The following ZDHHC15 variants were observed in gnomAD, a reference collection of about 807,000 sequenced individuals.
ZDHHC15 encodes the protein zDHHC palmitoyltransferase 15, also known as palmitoyltransferase ZDHHC15.
A neutral mutation model predicts 31.7 loss-of-function variants in ZDHHC15; 19 were observed. That is an observed-to-expected ratio of 0.60 (90% confidence interval 0.42 to 0.88). The LOEUF is 0.88. ZDHHC15 is among the 40% of genes least tolerant of loss of function. The pLI is 0.00. For missense variants in ZDHHC15, 209 were observed against 251.2 expected, an observed-to-expected ratio of 0.83 and a Z score of 1.14; for synonymous variants, 103 against 90.0, an observed-to-expected ratio of 1.14 and a Z score of -0.82.
intron 3 of ZDHHC15, among the ~76,000 whole-genome samples, chrX:75,466,403 C>T (rs1470493068): frequency 9.0e-6 from 1 of 111,118 alleles, no homozygotes; most frequent in Non-Finnish European, 1.9e-5. Flanking sequence ...AGACCTAGAG[C>T]CAGAAATACC....
intron 4 of ZDHHC15, among the ~76,000 whole-genome samples, chrX:75,448,297 C>G (rs903256798): frequency 1.8e-5 from 2 of 112,051 alleles, no homozygotes; most frequent in Non-Finnish European, 3.8e-5. Context: ...CCAGTACCAG[C>G]TGAGGTGCTT....
At chrX:75,433,693 G>GTA (rs1229259187) in intron 4 of ZDHHC15, among the ~76,000 whole-genome samples, 7 of 4,163 alleles carry the variant, frequency 1.7e-3, no homozygotes, top group Non-Finnish European at 1.9e-3. Context: ...GTGTGTGTGT[G>GTA]TGTGTATATA....
intron 10 of ZDHHC15, 83 bp downstream of exon 10, chrX:75,417,004 A>T (rs1430406344): frequency 1.3e-6 from 1 of 799,147 alleles, no homozygotes; most frequent in Non-Finnish European, 1.8e-6. Flanking sequence ...TGACATGCTT[A>T]TAAAATCTTT....
intron 3 of ZDHHC15, among the ~76,000 whole-genome samples, chrX:75,455,917 A>C (rs1429268992): frequency 1.8e-5 from 2 of 111,882 alleles, no homozygotes; most frequent in Non-Finnish European, 3.8e-5. Context: ...AGTGTAAACT[A>C]GTTCAACCAT....
intron 2 of ZDHHC15, among the ~76,000 whole-genome samples, chrX:75,481,660 T>C (rs958245115): frequency 8.9e-6 from 1 of 112,175 alleles, no homozygotes; most frequent in Middle Eastern, 4.2e-3. Flanking sequence ...TTCAACACTC[T>C]CATTTTACAG....
chrX:75,463,758 G>C (rs2084359729), intron 3 of ZDHHC15, among the ~76,000 whole-genome samples: 3 of 111,771 alleles, frequency 2.7e-5, no homozygotes, highest in South Asian at 3.8e-4. Flanking sequence ...TCTCACACCA[G>C]TTAGAATGGC....
chrX:75,440,784 G>T, intron 4 of ZDHHC15, among the ~76,000 whole-genome samples: 1 of 112,152 alleles, frequency 8.9e-6, no homozygotes, highest in Non-Finnish European at 1.9e-5. Flanking sequence ...AGGGCATGTA[G>T]AGAAAGGCCA....
At chrX:75,506,999 G>C (rs2085176321) in intron 1 of ZDHHC15, among the ~76,000 whole-genome samples, 1 of 111,214 alleles carries the variant, frequency 9.0e-6, no homozygotes. Context: ...TGTAGATAGT[G>C]AGACGAGACG....
intron 3 of ZDHHC15, among the ~76,000 whole-genome samples, chrX:75,465,220 A>G (rs964722476): frequency 1.8e-5 from 2 of 111,901 alleles, no homozygotes; most frequent in Admixed American, 1.9e-4. Flanking sequence ...CACAAAAAGA[A>G]TAAAATACCT....
intron 11 of ZDHHC15, among the ~76,000 whole-genome samples, chrX:75,377,165 T>C: frequency 9.0e-6 from 1 of 111,023 alleles, no homozygotes; most frequent in East Asian, 2.8e-4. Flanking sequence ...TTTTAAAAGG[T>C]TTCTCCCACT....
rs756235791 is a variant in ZDHHC15 at position 75,424,519 on chromosome X, C to A, written c.736+133G>T. 1.3e-5 allele frequency: 8 copies of A among 628,331 alleles called. No homozygotes were observed. The African/African-American group carries it at 1.9e-4, about 15-fold the overall frequency. 51.8% of individuals were successfully genotyped at this position (628,331 alleles called of 1,213,427 possible). A position where few individuals can be genotyped will look rare whatever the true frequency, so the allele number is the denominator to read the frequency against. On this transcript the variant is annotated intron_variant, in intron 8 of 11. Transcript: ENST00000373367. ...CTATTTCGGTAAAATGTATTTTCATCTGTCTCAGTCTGGGGGTAGAGGGAT... is the reference window on the plus strand; with the variant it reads ...CTATTTCGGTAAAATGTATTTTCATATGTCTCAGTCTGGGGGTAGAGGGAT...
At chrX:75,491,948 C>A (rs1157139081) in intron 2 of ZDHHC15, among the ~76,000 whole-genome samples, 3 of 111,455 alleles carry the variant, frequency 2.7e-5, no homozygotes, top group Non-Finnish European at 5.6e-5. Context: ...ACAATATTAA[C>A]CTTAAATGTA....
At chrX:75,444,640 G>GTGTA (rs1377565097) in intron 4 of ZDHHC15, among the ~76,000 whole-genome samples, 4 of 22,729 alleles carry the variant, frequency 1.8e-4, no homozygotes, top group Admixed American at 7.9e-4. Flanking sequence ...AAGCAACACT[G>GTGTA]TATATATATA....
intron 2 of ZDHHC15, among the ~76,000 whole-genome samples, chrX:75,501,083 A>G (rs1410393885): frequency 9.1e-6 from 1 of 110,318 alleles, no homozygotes; most frequent in East Asian, 2.9e-4. Context: ...TAATCTTAGT[A>G]CCCAATTGTT....
chrX:75,420,198 T>TA (rs1197750867), intron 9 of ZDHHC15, among the ~76,000 whole-genome samples: 2 of 110,888 alleles, frequency 1.8e-5, no homozygotes, highest in Non-Finnish European at 3.8e-5. Context: ...ACAAACATAT[T>TA]AAAAAAAGCC....
intron 9 of ZDHHC15, among the ~76,000 whole-genome samples, chrX:75,418,174 A>G (rs2083570595): frequency 8.9e-6 from 1 of 111,969 alleles, no homozygotes; most frequent in Admixed American, 9.5e-5. Flanking sequence ...AATATTACCC[A>G]CTGACATAGT....
rs770220728 is a variant in ZDHHC15, at chrX:75,424,779, T to C, written c.609A>G (p.Glu203=). Residue 203 remains glutamate (E), a synonymous_variant, in exon 8 of 12, where the codon GAA becomes GAG. Transcript: ENST00000373367. ...FSYFIKYWRG[E]LPSVRSKFHV... ...GGAACTTAGAGCGAACACTGGGTAA[T>C]TCCCCCTAGAAAAGAAATAATAAAC... The C allele has an allele frequency of 5.1e-6, 6 of 1,185,287 alleles. No individual in the cohort carries two copies. The East Asian group carries it at 1.8e-4, about 36-fold the overall frequency.
intron 3 of ZDHHC15, among the ~76,000 whole-genome samples, chrX:75,454,774 T>C (rs1221454472): frequency 9.1e-6 from 1 of 110,310 alleles, no homozygotes; most frequent in Non-Finnish European, 1.9e-5. Context: ...TAATAAAAAA[T>C]AAAAATGAAA....
intron 4 of ZDHHC15, among the ~76,000 whole-genome samples, chrX:75,439,734 A>G (rs898007445): frequency 9.0e-6 from 1 of 111,639 alleles, no homozygotes; most frequent in Non-Finnish European, 1.9e-5. Flanking sequence ...GGGATGTCAA[A>G]GAACCTTGCT....
Sources: gnomAD v4.1 joint callset for allele counts (sites outside exome capture counted in the v4.1 genomes callset) on GRCh38, gnomAD v4.1.1 for gene constraint, MANE v1.5 for transcripts, NCBI Gene and HGNC (gene_info 2026-07-23, HGNC 2026-07-21) for gene names.